The following GRIK5 variants were observed in gnomAD, a reference collection of about 807,000 sequenced individuals.
GRIK5 encodes glutamate ionotropic receptor kainate type subunit 5.
Under a neutral mutation model 97.4 loss-of-function variants are expected in GRIK5, and 43 were observed. The ratio of observed to expected loss-of-function variants is 0.44; its 90% confidence interval spans 0.35 to 0.57. The LOEUF is 0.57. Among genes scored for constraint, GRIK5 ranks in the 20% least tolerant of loss-of-function variants. GRIK5 has a pLI of 0.01. For synonymous variants in GRIK5, 580 were observed against 583.5 expected (o/e 0.99, Z 0.09); for missense variants, 1,015 against 1,382.0 (o/e 0.73, Z 4.21).
In GRIK5 at chr19:42,021,553, C is replaced by A; in HGVS notation, c.1698-79G>T. On this transcript the variant is annotated intron_variant, in intron 14 of 19. Coordinates refer to ENST00000593562, the MANE Select transcript of GRIK5 (RefSeq NM_002088.5). This position sits in a 1 kb window ranked among gnomAD's most constrained non-coding sequence, Gnocchi z 4.2. ...AAAGGAAAGAAGCAAAGGAAAGTCA[C>A]AGTGATCAGAAGAAAGGGGGAGAGA... 1 of 1,228,386 alleles carries A rather than the reference C, an allele frequency of 8.1e-7. No individual in the cohort carries two copies. The highest frequency in any genetic ancestry group is 1.5e-5 in the African/African-American group (1 of 65,498). The allele number at this position is 1,228,386 out of a possible 1,614,324, so 76.1% of individuals were successfully genotyped here. A position where few individuals can be genotyped will look rare whatever the true frequency, so the allele number is the denominator to read the frequency against.
At chr19:42,023,728 C>T (rs901415694) in intron 12 of GRIK5, among the ~76,000 whole-genome samples, 5 of 152,258 alleles carry the variant, frequency 3.3e-5, no homozygotes, top group Non-Finnish European at 7.3e-5. Context: ...GCTCCCGAAA[C>T]ACTCCTCAGA....
intron 15 of GRIK5, among the ~76,000 whole-genome samples, chr19:42,019,103 G>A (rs1174317486): frequency 6.6e-6 from 1 of 152,184 alleles, no homozygotes; most frequent in Non-Finnish European, 1.5e-5. Flanking sequence ...GCTGGCTAGA[G>A]AGTGTGACTC....
chr19:42,061,597 C>T (rs1469137131), intron 5 of GRIK5, among the ~76,000 whole-genome samples: 1 of 152,228 alleles, frequency 6.6e-6, no homozygotes, highest in South Asian at 2.1e-4. Flanking sequence ...ATGAATGTCT[C>T]AAAGACACAC....
chr19:42,065,701 G>A lies in GRIK5; in HGVS notation c.70C>T (p.Leu24=). The A allele has an allele frequency of 6.3e-7, 1 of 1,591,492 alleles. No individual in the cohort carries two copies. Among genetic ancestry groups the A allele is most frequent in the Non-Finnish European group, 8.5e-7 (1 of 1,170,630 alleles). The change falls in exon 2 of 20, where the codon CTG becomes TTG. Residue 24 remains leucine (L), a synonymous_variant. Coordinates refer to ENST00000593562, the MANE Select transcript of GRIK5 (RefSeq NM_002088.5). This position sits in a 1 kb window ranked among gnomAD's most constrained non-coding sequence, Gnocchi z 5.8. ...TGCGGGAGGGCCTCACCCATGCGCA[G>A]TGATGAGAGCACCTGGCAGCTGGGG... ...ASPSCQVLSS[L]RMAAILDDQT...
chr19:42,047,144 T>A (rs2076052884), intron 11 of GRIK5, among the ~76,000 whole-genome samples: 1 of 151,834 alleles, frequency 6.6e-6, no homozygotes, highest in African/African-American at 2.4e-5. Flanking sequence ...CACCCCGGCC[T>A]CCCAAACTGC....
intron 1 of GRIK5, among the ~76,000 whole-genome samples, chr19:42,066,374 G>C (rs572922580): frequency 1.3e-5 from 2 of 151,878 alleles, no homozygotes; most frequent in South Asian, 4.2e-4. Flanking sequence ...AGAGTATCTG[G>C]GAGTTAGGAA....
intron 5 of GRIK5, 81 bp from the exon 6 acceptor site, chr19:42,059,608 G>C (rs1331686855): frequency 8.3e-7 from 1 of 1,203,636 alleles, no homozygotes; most frequent in African/African-American, 1.5e-5. Flanking sequence ...CCTCAACATG[G>C]GGCAGCTGGG....
intron 15 of GRIK5, among the ~76,000 whole-genome samples, chr19:42,018,149 TA>T (rs11452086): frequency 3.0e-4 from 19 of 62,798 alleles, no homozygotes; most frequent in African/African-American, 1.0e-3. Flanking sequence ...CCATCTCTAC[TA>T]AAAAAAAAAA....
Position 42,021,816 on chromosome 19 carries a change from A to C in GRIK5, c.1697+131T>G. ...ACACAGGGCACAAAACTGAGAAAGG[A>C]GGGCACAGGGAATCCGAGGCCCCAA... On this transcript the variant is annotated intron_variant, in intron 14 of 19. Transcript: ENST00000593562. The surrounding 1 kb of genome is among the most constrained non-coding windows in gnomAD (Gnocchi z 4.2). 1.6e-6 allele frequency: 1 copy of C among 637,144 alleles called. No homozygotes were observed. The highest frequency in any genetic ancestry group is 2.8e-6 in the Non-Finnish European group (1 of 353,516). The allele number at this position is 637,144 out of a possible 1,614,324, so 39.5% of individuals were successfully genotyped here. A position where few individuals can be genotyped will look rare whatever the true frequency, so the allele number is the denominator to read the frequency against.
At chr19:42,050,614 C>T (rs1468734164) in intron 11 of GRIK5, among the ~76,000 whole-genome samples, 5 of 149,038 alleles carry the variant, frequency 3.4e-5, no homozygotes, top group Non-Finnish European at 5.9e-5. Context: ...GCCGAGATCG[C>T]GCCACTGCAC....
Position 42,022,427 on chromosome 19 carries a change from T to C in GRIK5, c.1474-73A>G. ...ACAGAAGTGGACAGTTAGAGAGAAA[T>C]GCACGGAGAGTGAGCAACTGAGGGA... On this transcript the variant is annotated intron_variant, in intron 12 of 19. Coordinates refer to ENST00000593562, the MANE Select transcript of GRIK5 (RefSeq NM_002088.5). This position sits in a 1 kb window ranked among gnomAD's most constrained non-coding sequence, Gnocchi z 4.2. 1 of 1,490,410 alleles carries C rather than the reference T, an allele frequency of 6.7e-7. No individual in the cohort carries two copies. The highest frequency in any genetic ancestry group is 1.2e-5 in the South Asian group (1 of 84,126). The allele number at this position is 1,490,410 out of a possible 1,614,324, so 92.3% of individuals were successfully genotyped here.
Position 42,006,437 on chromosome 19 carries a change from C to CATA in GRIK5, c.2037+205_2037+207dup, listed in dbSNP as rs1555872704. On this transcript the variant is annotated intron_variant, in intron 16 of 19. Transcript: ENST00000593562. This position sits in a 1 kb window ranked among gnomAD's most constrained non-coding sequence, Gnocchi z 5.3. The stretch of plus-strand genomic sequence containing the variant: ...CATATGACATTGACATTTGATACCA[C>CATA]ATATGCCTCCCTGCCCTCATTCCCC... 2.0e-5 allele frequency among the ~76,000 whole-genome samples: 3 copies of CATA among 152,224 alleles called. No individual in the cohort carries two copies. Among genetic ancestry groups the CATA allele is most frequent in the Admixed American group, 6.5e-5 (1 of 15,282 alleles).
chr19:42,015,102 G>A (rs1218743256), intron 15 of GRIK5, among the ~76,000 whole-genome samples: 2 of 152,146 alleles, frequency 1.3e-5, no homozygotes, highest in East Asian at 1.9e-4. Flanking sequence ...TCACCTAGAG[G>A]ACATAAGAGT....
At chr19:42,045,944 C>T (rs552273680) in intron 11 of GRIK5, among the ~76,000 whole-genome samples, 5 of 152,144 alleles carry the variant, frequency 3.3e-5, no homozygotes, top group Non-Finnish European at 5.9e-5. Flanking sequence ...CAGAATCAGA[C>T]AGTGGATATG....
Position 42,053,938 on chromosome 19 carries a change from G to T in GRIK5, c.1057-9C>A, listed in dbSNP as rs1158395384. On this transcript the variant is annotated splice_polypyrimidine_tract_variant and intron_variant, in intron 9 of 19. Coordinates refer to ENST00000593562, the MANE Select transcript of GRIK5 (RefSeq NM_002088.5). ...AGCCCATCATACTCTACCTGGCAGG[G>T]TGGGGAGGTGGGGCAGAGGGAGAGT... is the stretch of plus-strand genomic sequence containing the variant. The T allele has an allele frequency of 3.2e-6, 5 of 1,586,926 alleles. No homozygotes were observed. The highest frequency in any genetic ancestry group is 4.3e-6 in the Non-Finnish European group (5 of 1,155,502).
chr19:42,001,695 C>T (rs2075424995), intron 19 of GRIK5: 1 of 183,718 alleles, frequency 5.4e-6, no homozygotes, highest in Admixed American at 5.5e-5. Context: ...ATGACTATGA[C>T]CTCATCAGAG....
intron 3 of GRIK5, among the ~76,000 whole-genome samples, chr19:42,064,625 T>C (rs1168033210): frequency 2.0e-5 from 3 of 152,168 alleles, no homozygotes; most frequent in Non-Finnish European, 1.5e-5. Context: ...ATCTGAAACA[T>C]ACACGAACAC....
chr19:42,010,562 C>G (rs1389498005), intron 15 of GRIK5, among the ~76,000 whole-genome samples: 1 of 152,188 alleles, frequency 6.6e-6, no homozygotes, highest in African/African-American at 2.4e-5. Context: ...TAGAATTCCA[C>G]AGCAGGCAAA....
chr19:42,024,384 T>C (rs2075743045), intron 12 of GRIK5, among the ~76,000 whole-genome samples: 1 of 152,134 alleles, frequency 6.6e-6, no homozygotes, highest in Non-Finnish European at 1.5e-5. Context: ...GGCTGATTTT[T>C]GTATTTTTTG....
Sources: gnomAD v4.1 joint callset for allele counts (sites outside exome capture counted in the v4.1 genomes callset) on GRCh38, gnomAD v4.1.1 for gene constraint, Gnocchi (gnomAD v3.1) non-coding constraint, MANE v1.5 for transcripts, NCBI Gene and HGNC (gene_info 2026-07-23, HGNC 2026-07-21) for gene names.